The following CFAP54 variants were observed in gnomAD, a reference collection of about 807,000 sequenced individuals.
The protein encoded by CFAP54 is cilia- and flagella-associated protein 54.
A neutral mutation model predicts 370.4 loss-of-function variants in CFAP54; 290 were observed. The ratio of observed to expected loss-of-function variants is 0.78; its 90% CI spans 0.71 to 0.86. CFAP54 has a LOEUF of 0.86. Among genes scored for constraint, CFAP54 ranks in the 40% least tolerant of loss-of-function variants. CFAP54 has a pLI of 0.00. For missense variants in CFAP54, 3,399 were observed against 3,528.7 expected, an observed-to-expected ratio of 0.96 and a Z score of 0.93; for synonymous variants, 1,206 against 1,236.5, an observed-to-expected ratio of 0.98 and a Z score of 0.52.
rs11108675 is a variant in CFAP54, at chr12:96,760,271, A to T, written c.8040+2683A>T. Among the ~76,000 whole-genome samples the T allele has an allele frequency of 6.4e-3, 971 of 150,550 alleles. 11 individuals are homozygous for T. The highest frequency in any genetic ancestry group is 0.022 in the African/African-American group (913 of 41,282). ...CAGAGAGATCAGCATGCATACATTT[A>T]AAAAAAAACTAGAGGTATAATTTCC... On this transcript the variant is annotated intron_variant, in intron 58 of 67. Coordinates refer to ENST00000524981, the MANE Select transcript of CFAP54 (RefSeq NM_001306084.2).
intron 36 of CFAP54, among the ~76,000 whole-genome samples, chr12:96,655,151 A>T (rs867608906): frequency 2.0e-5 from 3 of 152,070 alleles, no homozygotes; most frequent in African/African-American, 7.2e-5. Flanking sequence ...AAATATATCA[A>T]TGGAACAAAT....
At chr12:96,719,501 A>C (rs553357662) in intron 49 of CFAP54, among the ~76,000 whole-genome samples, 1 of 152,316 alleles carries the variant, frequency 6.6e-6, no homozygotes, top group African/African-American at 2.4e-5. Flanking sequence ...CACATTACCA[A>C]CTAGGTGACC....
Position 96,599,325 on chromosome 12 carries a change from A to G in CFAP54, c.3639+558A>G, listed in dbSNP as rs538308543. Among the ~76,000 whole-genome samples, 21 of 152,298 alleles carry G rather than the reference A, an allele frequency of 1.4e-4. No homozygotes were observed. In the South Asian group the frequency reaches 2.7e-3, roughly 20 times the overall value. On this transcript the variant is annotated intron_variant, in intron 26 of 67. Transcript: ENST00000524981. ...TTTCCAGCTTCATCCATGTCCCTGC[A>G]AAGGACATGAACTCATCCTTTTTTA...
At chr12:96,569,191 C>T (rs1314972361) in intron 19 of CFAP54, among the ~76,000 whole-genome samples, 9 of 152,282 alleles carry the variant, frequency 5.9e-5, no homozygotes, top group Admixed American at 1.3e-4. Flanking sequence ...CAAGTGTTGG[C>T]GGTTTTGAGG....
intron 48 of CFAP54, 132 bp downstream of exon 48, chr12:96,708,935 C>T: frequency 1.5e-6 from 1 of 686,644 alleles, no homozygotes; most frequent in Non-Finnish European, 2.4e-6. Flanking sequence ...TATAATGACA[C>T]ACATATGTAC....
At chr12:96,839,743 G>T (rs1244907532) in intron 66 of CFAP54, among the ~76,000 whole-genome samples, 3 of 152,220 alleles carry the variant, frequency 2.0e-5, no homozygotes, top group South Asian at 4.1e-4. Flanking sequence ...TGATTCAACT[G>T]CTGGGGGCTG....
intron 15 of CFAP54, among the ~76,000 whole-genome samples, chr12:96,548,302 C>G (rs1348716018): frequency 1.3e-5 from 2 of 151,978 alleles, no homozygotes; most frequent in Non-Finnish European, 1.5e-5. Context: ...TAACTCCTAT[C>G]CTAAATAATA....
At chr12:96,782,568 G>C (rs1958590732) in intron 60 of CFAP54, among the ~76,000 whole-genome samples, 1 of 152,102 alleles carries the variant, frequency 6.6e-6, no homozygotes, top group Admixed American at 6.5e-5. Context: ...AACCAAAGTT[G>C]TGAAACAAAT....
At chr12:96,610,745 G>A (rs938482325) in intron 26 of CFAP54, among the ~76,000 whole-genome samples, 40 of 152,296 alleles carry the variant, frequency 2.6e-4, no homozygotes, top group African/African-American at 9.1e-4. Flanking sequence ...ATTATATCCC[G>A]CGCATGGCTC....
chr12:96,831,926 A>G (rs1826483189), intron 66 of CFAP54, among the ~76,000 whole-genome samples: 1 of 152,224 alleles, frequency 6.6e-6, no homozygotes, highest in South Asian at 2.1e-4. Context: ...TACTGTGGTA[A>G]ACCACTGATA....
chr12:96,529,336 T>C (rs1955416013), intron 9 of CFAP54, among the ~76,000 whole-genome samples: 1 of 152,254 alleles, frequency 6.6e-6, no homozygotes, highest in South Asian at 2.1e-4. Flanking sequence ...TTTTATTTTA[T>C]GAATTACTCA....
rs889622281 is a variant in CFAP54 at position 96,860,840 on chromosome 12, C to T, written c.9193C>T (p.Pro3065Ser). The T allele has an allele frequency of 1.4e-5, 21 of 1,531,954 alleles. No homozygotes were observed. The African/African-American group carries it at 2.5e-4, about 18-fold the overall frequency. The allele number at this position is 1,531,954 out of a possible 1,614,324, so 94.9% of individuals were successfully genotyped here. ...LSEVPFDISL[P>S]SIFNLERLFD... ...TCAGGTCCCATTTGATATCTCACTG[C>T]CGTCTATATTCAATCTTGAGAGACT... Residue 3065 changes from proline (P) to serine (S), a missense_variant, in exon 67 of 68, where the codon CCG becomes TCG. Physicochemically the swap from Pro to Ser is moderately conservative, Grantham distance 74. Coordinates refer to ENST00000524981, the MANE Select transcript of CFAP54 (RefSeq NM_001306084.2).
intron 65 of CFAP54, among the ~76,000 whole-genome samples, chr12:96,822,703 T>G (rs2136743438): frequency 6.6e-6 from 1 of 152,294 alleles, no homozygotes; most frequent in African/African-American, 2.4e-5. Context: ...GAAAATAATC[T>G]AAATCTTTCC....
At chr12:96,862,337 G>T (rs1951197595) in intron 67 of CFAP54, among the ~76,000 whole-genome samples, 1 of 152,194 alleles carries the variant, frequency 6.6e-6, no homozygotes, top group Non-Finnish European at 1.5e-5. Flanking sequence ...ATGGTTTATA[G>T]TCAAAGGACT....
Position 96,521,945 on chromosome 12 carries a change from G to C in CFAP54, c.1031G>C (p.Arg344Thr), listed in dbSNP as rs1367262559. ...SSSKSQEESR[R>T]YFREATMKMA... ...TCAAAATCCCAGGAAGAATCGCGAA[G>C]ATATTTTCGAGAGGCCACAATGAAG... Residue 344 changes from arginine to threonine, a missense_variant, in exon 7 of 68, where the codon AGA becomes ACA. Physicochemically the swap from Arg to Thr is moderately conservative, Grantham distance 71. This residue lies in a region of CFAP54 where 559 missense variants were observed against 576.7 expected (regional missense o/e 0.97). Transcript: ENST00000524981. 1.3e-6 allele frequency: 2 copies of C among 1,534,476 alleles called. No individual in the cohort carries two copies. The highest frequency in any genetic ancestry group is 1.4e-5 in the African/African-American group (1 of 73,138).
At chr12:96,659,752 G>A (rs2136515608) in intron 38 of CFAP54, among the ~76,000 whole-genome samples, 1 of 152,304 alleles carries the variant, frequency 6.6e-6, no homozygotes, top group African/African-American at 2.4e-5. Context: ...CAGTTGTACT[G>A]TGGGTGACCT....
At position 96,679,704 on chromosome 12, in the gene CFAP54, A is replaced by G. The variant is rs1380770742; in HGVS notation, c.5668A>G (p.Ile1890Val). The change falls in exon 40 of 68, where the codon ATC becomes GTC. Residue 1890 changes from isoleucine to valine, a missense_variant. Physicochemically the swap from Ile to Val is conservative, Grantham distance 29 (BLOSUM62 3). Around this residue, in one of 3 missense-constraint regions of CFAP54, gnomAD observed 2,796 missense variants for 2,869.7 expected, o/e 0.97. Transcript: ENST00000524981. ...AAAATCCAAATACCATAACAGATCA[A>G]TCCGACACAGCAGAAAGTTGCTTTC... Reference protein sequence around the residue: ...LEKSKYHNRSIRHSRKLLSLF... With the variant: ...LEKSKYHNRSVRHSRKLLSLF... 1.9e-6 allele frequency: 3 copies of G among 1,613,648 alleles called. No homozygotes were observed. The highest frequency in any genetic ancestry group is 2.5e-6 in the Non-Finnish European group (3 of 1,179,782).
At chr12:96,705,327 TCTAA>T (rs1320383851) in intron 47 of CFAP54, among the ~76,000 whole-genome samples, 2 of 152,196 alleles carry the variant, frequency 1.3e-5, no homozygotes, top group African/African-American at 2.4e-5. Flanking sequence ...TAGGACTATA[TCTAA>T]CTTTTATTAA....
At chr12:96,616,378 G>T (rs535775003) in intron 26 of CFAP54, among the ~76,000 whole-genome samples, 104 of 152,024 alleles carry the variant, frequency 6.8e-4, no homozygotes, top group Middle Eastern at 6.8e-3. Context: ...GGTGGGAGGG[G>T]GGAGGGATAG....
Sources: gnomAD v4.1 joint callset for allele counts (sites outside exome capture counted in the v4.1 genomes callset) on GRCh38, gnomAD v4.1.1 for gene constraint, gnomAD v4.1.1 regional missense constraint, MANE v1.5 for transcripts, NCBI Gene and HGNC (gene_info 2026-07-23, HGNC 2026-07-21) for gene names.